ZNF738: variants seen among roughly 807,000 people sequenced by gnomAD.
ZNF738 encodes zinc finger protein 738.
A neutral mutation model predicts 9.2 loss-of-function variants in ZNF738; 10 were observed. The observed-to-expected ratio is 1.09, with a 90% confidence interval of 0.67 to 1.85. ZNF738 has a LOEUF of 1.85. Among genes scored for constraint, ZNF738 ranks in the 40% most tolerant of loss-of-function variants. The pLI, the probability that ZNF738 is intolerant of heterozygous loss-of-function variation, is 0.00. For synonymous variants in ZNF738, 113 were observed against 94.5 expected, an observed-to-expected ratio of 1.20 and a Z score of -1.14; for missense variants, 346 against 283.6, an observed-to-expected ratio of 1.22 and a Z score of -1.58.
At position 21,384,197 on chromosome 19, in the gene ZNF738, G is replaced by C. The variant is rs898670124; in HGVS notation, c.*523G>C. The C allele has an allele frequency of 5.3e-5, 71 of 1,347,772 alleles. No homozygotes were observed. The highest frequency in any genetic ancestry group is 6.7e-5 in the Non-Finnish European group (64 of 959,774). The allele number at this position is 1,347,772 out of a possible 1,614,324, so 83.5% of individuals were successfully genotyped here. On this transcript the variant is annotated 3_prime_UTR_variant, in exon 5 of 5. Transcript: ENST00000683779. ...AGGAATGTGGCAAAGCTTTTAACTG[G>C]TACTCACGCCTTACTACACATAAGA... is the stretch of plus-strand genomic sequence containing the variant.
chr19:21,379,464 C>T (rs563859833), intron 4 of ZNF738, among the ~76,000 whole-genome samples: 120 of 152,264 alleles, frequency 7.9e-4, no homozygotes, highest in African/African-American at 2.7e-3. Context: ...AATTATTCAT[C>T]TTCTTTGTTA....
intron 2 of ZNF738, among the ~76,000 whole-genome samples, chr19:21,369,866 T>A (rs1599714229): frequency 6.6e-6 from 1 of 151,062 alleles, no homozygotes; most frequent in Non-Finnish European, 1.5e-5. Flanking sequence ...CAGGCTGGAG[T>A]GCTATGGCAT....
intron 4 of ZNF738, 24 bp from the exon 5 acceptor site, chr19:21,382,842 A>G (rs1394319516): frequency 2.5e-6 from 1 of 393,252 alleles, no homozygotes; most frequent in East Asian, 5.6e-5. Flanking sequence ...AAGTGGAGTA[A>G]CTTGATATTT....
chr19:21,364,533 A>G (rs1973749093), intron 2 of ZNF738, among the ~76,000 whole-genome samples: 1 of 152,166 alleles, frequency 6.6e-6, no homozygotes, highest in African/African-American at 2.4e-5. Flanking sequence ...TAAGAAAAAG[A>G]AGAAAAGGTG....
chr19:21,367,656 T>G (rs1394148989), intron 2 of ZNF738, among the ~76,000 whole-genome samples: 3 of 152,134 alleles, frequency 2.0e-5, no homozygotes, highest in East Asian at 3.9e-4. Flanking sequence ...TACTGCCCAT[T>G]GTCCTGTGAT....
rs1416779019 is a variant in ZNF738 at position 21,383,737 on chromosome 19, G to T, written c.*63G>T. 1.3e-5 allele frequency: 14 copies of T among 1,096,576 alleles called. No individual in the cohort carries two copies. The Admixed American group carries it at 2.1e-4, about 16-fold the overall frequency. The allele number at this position is 1,096,576 out of a possible 1,614,324, so 67.9% of individuals were successfully genotyped here. A position where few individuals can be genotyped will look rare whatever the true frequency, so the allele number is the denominator to read the frequency against. On this transcript the variant is annotated 3_prime_UTR_variant, in exon 5 of 5. Transcript: ENST00000683779. ...GACATAAGATAATTCATACTGAAGA[G>T]AAACCCTACAAATGTGAGGAATGTG...
At chr19:21,377,428 T>C (rs1165253543) in intron 4 of ZNF738, 3 of 708,428 alleles carry the variant, frequency 4.2e-6, no homozygotes, top group Non-Finnish European at 7.8e-6. Flanking sequence ...ATTATATTGC[T>C]GTCTAGGTGT....
intron 2 of ZNF738, among the ~76,000 whole-genome samples, chr19:21,365,426 C>T (rs1161922313): frequency 6.6e-6 from 1 of 152,062 alleles, no homozygotes; most frequent in Non-Finnish European, 1.5e-5. Context: ...CTGACATTTC[C>T]TCCCTCTTTT....
chr19:21,373,777 CTT>C (rs34606176), intron 2 of ZNF738, among the ~76,000 whole-genome samples: 1,714 of 130,840 alleles, frequency 0.013, 24 homozygotes, highest in African/African-American at 0.039. Context: ...GGAAAAATGG[CTT>C]TTTTTTTTTT....
chr19:21,359,041 C>G lies in ZNF738; in HGVS notation c.-100C>G. On this transcript the variant is annotated 5_prime_UTR_variant, in exon 1 of 5. Coordinates refer to ENST00000683779, the MANE Select transcript of ZNF738 (RefSeq NM_001355237.2). ...GGAACTCCGGGTCTCGTCTTCACTG[C>G]TCTGTGTCCTCTGCTCCTAGAGGCC... The G allele has an allele frequency of 2.5e-6, 2 of 815,026 alleles. No homozygotes were observed. Among genetic ancestry groups the G allele is most frequent in the East Asian group, 2.5e-5 (1 of 39,758 alleles). The allele number at this position is 815,026 out of a possible 1,614,324, so 50.5% of individuals were successfully genotyped here. A position where few individuals can be genotyped will look rare whatever the true frequency, so the allele number is the denominator to read the frequency against.
At chr19:21,373,059 A>G (rs1430883684) in intron 2 of ZNF738, among the ~76,000 whole-genome samples, 2 of 152,154 alleles carry the variant, frequency 1.3e-5, no homozygotes, top group Non-Finnish European at 2.9e-5. Context: ...GGGGAGCAAC[A>G]TCAGCATTGA....
intron 4 of ZNF738, chr19:21,377,512 G>GCA (rs112058265): frequency 0.12 from 64,756 of 536,954 alleles, 2,155 homozygotes; most frequent in Non-Finnish European, 0.15. Context: ...ACACAGACGT[G>GCA]CACACACACA....
intron 4 of ZNF738, chr19:21,381,478 C>T (rs1204812157): frequency 8.8e-7 from 1 of 1,140,990 alleles, no homozygotes; most frequent in Non-Finnish European, 1.3e-6. Flanking sequence ...CACCTACAAG[C>T]TCAGGCTTAC....
In ZNF738 at chr19:21,383,199, A is replaced by G; in HGVS notation, c.653A>G (p.His218Arg). 6.3e-7 allele frequency: 1 copy of G among 1,599,062 alleles called. No individual in the cohort carries two copies. Among genetic ancestry groups the G allele is most frequent in the Non-Finnish European group, 8.6e-7 (1 of 1,167,868 alleles). The change falls in exon 5 of 5, where the codon CAC (histidine) becomes CGC (arginine). Residue 218 changes from histidine to arginine, a missense_variant. His to Arg is a conservative substitution (Grantham distance 29). Transcript: ENST00000683779. ...KCGKSFCMLL[H>R]LGQHKIIHIR... ...GGCAAATCATTTTGCATGCTTTTACACCTAGGTCAACATAAAATAATTCAT... is the reference window on the plus strand; with the variant it reads ...GGCAAATCATTTTGCATGCTTTTACGCCTAGGTCAACATAAAATAATTCAT...
rs575075596 is a variant in ZNF738 at position 21,385,994 on chromosome 19, C to T, written c.*2320C>T. ...AACCCTGATGACACATAAGGTAATT[C>T]GTGCTGGAGAGAAACCCTACAAATA... On this transcript the variant is annotated 3_prime_UTR_variant, in exon 5 of 5. Transcript: ENST00000683779. Among the ~76,000 whole-genome samples, 8 of 152,258 alleles carry T rather than the reference C, an allele frequency of 5.3e-5. No individual in the cohort carries two copies. The highest frequency in any genetic ancestry group is 3.3e-4 in the Admixed American group (5 of 15,300).
chr19:21,382,950 G>C lies in ZNF738; in HGVS notation c.404G>C (p.Gly135Ala). ...SFQKVILREY[G>A]NYGHKDLQLR... Reference sequence around the variant, plus strand: ...CAAAAAGTGATACTGAGAGAATATGGAAATTATGGACATAAAGATTTACAG... The same window carrying C: ...CAAAAAGTGATACTGAGAGAATATGCAAATTATGGACATAAAGATTTACAG... The change falls in exon 5 of 5, where the codon GGA becomes GCA. Residue 135 changes from glycine to alanine, a missense_variant. Coordinates refer to ENST00000683779, the MANE Select transcript of ZNF738 (RefSeq NM_001355237.2). 1.6e-6 allele frequency: 1 copy of C among 621,996 alleles called. No homozygotes were observed. 38.5% of individuals were successfully genotyped at this position (621,996 alleles called of 1,614,324 possible).
intron 4 of ZNF738, among the ~76,000 whole-genome samples, chr19:21,380,401 TG>T (rs34075821): frequency 1.3e-5 from 2 of 151,948 alleles, no homozygotes; most frequent in Non-Finnish European, 2.9e-5. Flanking sequence ...GAAGGGGAGA[TG>T]GGGGTAGAGT....
chr19:21,359,893 T>G (rs1366617274), intron 1 of ZNF738, among the ~76,000 whole-genome samples: 1 of 152,058 alleles, frequency 6.6e-6, no homozygotes, highest in Non-Finnish European at 1.5e-5. Flanking sequence ...AAAAATTAAC[T>G]TATTAAATAA....
chr19:21,375,872 TTGA>T lies in ZNF738; in HGVS notation c.230_232del (p.Asp77del). 1.3e-6 allele frequency: 1 copy of T among 785,352 alleles called. No homozygotes were observed. Among genetic ancestry groups the T allele is most frequent in the South Asian group, 1.4e-5 (1 of 73,254 alleles). 48.6% of individuals were successfully genotyped at this position (785,352 alleles called of 1,614,324 possible). A position where few individuals can be genotyped will look rare whatever the true frequency, so the allele number is the denominator to read the frequency against. On this transcript the variant is annotated inframe_deletion, in exon 4 of 5. Coordinates refer to ENST00000683779, the MANE Select transcript of ZNF738 (RefSeq NM_001355237.2). ...TTATTTATTTTTAATAAATCAGGTA[TTGA>T]TGTCTCTAAGCCAGATCTGATCACC...
Sources: allele counts gnomAD v4.1 joint callset (sites outside exome capture counted in the v4.1 genomes callset), GRCh38; gene constraint gnomAD v4.1.1; transcripts MANE v1.5; gene names NCBI Gene and HGNC (gene_info 2026-07-23, HGNC 2026-07-21).